The following KCNQ5 variants were observed in gnomAD, a reference collection of about 807,000 sequenced individuals.
The protein encoded by KCNQ5 is potassium voltage-gated channel subfamily Q member 5.
Under a neutral mutation model 98.2 loss-of-function variants are expected in KCNQ5, and 30 were observed. That is an observed-to-expected ratio of 0.31 (90% confidence interval 0.23 to 0.41). The LOEUF is 0.41. KCNQ5 is among the 10% of genes least tolerant of loss of function. The pLI, the probability that KCNQ5 is intolerant of heterozygous loss-of-function variation, is 1.00. For synonymous variants in KCNQ5, 458 were observed against 449.4 expected (o/e 1.02, Z -0.24); for missense variants, 835 against 1,182.5 (o/e 0.71, Z 4.31).
chr6:73,012,565 A>C (rs1770118520), intron 2 of KCNQ5, among the ~76,000 whole-genome samples: 1 of 152,116 alleles, frequency 6.6e-6, no homozygotes, highest in African/African-American at 2.4e-5. Context: ...GTTCTGTAAC[A>C]TTACGAATGT....
At position 73,194,663 on chromosome 6, in the gene KCNQ5, A is replaced by G. The variant is rs760224672; in HGVS notation, c.2048A>G (p.Asn683Ser). The G allele has an allele frequency of 1.9e-5, 30 of 1,614,250 alleles. No individual in the cohort carries two copies. The South Asian group carries it at 2.7e-4, about 15-fold the overall frequency. Residue 683 changes from asparagine (N) to serine (S), a missense_variant, in exon 14 of 14, where the codon AAC (asparagine) becomes AGC (serine). By Grantham distance (46) the Asn-to-Ser change is conservative. Around this residue, in one of 10 missense-constraint regions of KCNQ5, gnomAD observed 416 missense variants for 446.9 expected, o/e 0.93. Transcript: ENST00000370398. ...TGCTTATCCAGATCAACTAGTGCCAACATCTCGAGAGGCCTGCAGTTCATT... is the reference window on the plus strand; with the variant it reads ...TGCTTATCCAGATCAACTAGTGCCAGCATCTCGAGAGGCCTGCAGTTCATT... ...SGCLSRSTSA[N>S]ISRGLQFILT...
At chr6:73,047,443 C>T (rs567821214) in intron 3 of KCNQ5, among the ~76,000 whole-genome samples, 15 of 152,292 alleles carry the variant, frequency 9.8e-5, no homozygotes, top group South Asian at 2.1e-4. Context: ...TAACATTACT[C>T]GCAGGACTAC....
chr6:73,058,616 T>C (rs1318982010), intron 3 of KCNQ5, among the ~76,000 whole-genome samples: 1 of 151,866 alleles, frequency 6.6e-6, no homozygotes, highest in African/African-American at 2.4e-5. Flanking sequence ...ATCAACAGAG[T>C]GAACAGACAA....
At chr6:72,979,162 G>C (rs1421024459) in intron 1 of KCNQ5, among the ~76,000 whole-genome samples, 1 of 152,190 alleles carries the variant, frequency 6.6e-6, no homozygotes, top group Non-Finnish European at 1.5e-5. Context: ...CTTTATAGTA[G>C]CATGATTATA....
At chr6:73,045,050 C>T (rs1331206346) in intron 3 of KCNQ5, among the ~76,000 whole-genome samples, 3 of 152,102 alleles carry the variant, frequency 2.0e-5, no homozygotes, top group Admixed American at 1.3e-4. Context: ...CTAACAAGCC[C>T]CATGTACTAT....
intron 1 of KCNQ5, among the ~76,000 whole-genome samples, chr6:72,985,186 A>C (rs2150303582): frequency 6.6e-6 from 1 of 152,372 alleles, no homozygotes; most frequent in African/African-American, 2.4e-5. Context: ...AGTGTGGGCG[A>C]CAGCGCAATA....
chr6:72,827,189 G>T (rs762227029), intron 1 of KCNQ5, among the ~76,000 whole-genome samples: 1 of 152,132 alleles, frequency 6.6e-6, no homozygotes, highest in South Asian at 2.1e-4. Flanking sequence ...TAAACATGGG[G>T]GTGCAGAAGT....
At chr6:73,122,365 A>G (rs180684637) in intron 8 of KCNQ5, among the ~76,000 whole-genome samples, 1 of 152,320 alleles carries the variant, frequency 6.6e-6, no homozygotes, top group Non-Finnish European at 1.5e-5. Context: ...ACTGTTTAAT[A>G]ATGAGTCAAA....
intron 1 of KCNQ5, among the ~76,000 whole-genome samples, chr6:72,703,211 C>T (rs952553951): frequency 3.3e-5 from 5 of 152,260 alleles, no homozygotes; most frequent in Admixed American, 6.5e-5. Context: ...ACTCCAGCAA[C>T]TCTGAACTTC....
At chr6:73,086,623 T>C (rs1773998201) in intron 5 of KCNQ5, among the ~76,000 whole-genome samples, 1 of 152,220 alleles carries the variant, frequency 6.6e-6, no homozygotes, top group Non-Finnish European at 1.5e-5. Flanking sequence ...TACTAAATAT[T>C]TAGTGAGTTT....
chr6:73,117,211 C>A (rs1775539860), intron 7 of KCNQ5, among the ~76,000 whole-genome samples: 1 of 152,200 alleles, frequency 6.6e-6, no homozygotes, highest in African/African-American at 2.4e-5. Context: ...GCTACTGGAT[C>A]ACAGGGATGT....
At chr6:73,035,922 G>T (rs1232660465) in intron 2 of KCNQ5, among the ~76,000 whole-genome samples, 1 of 150,908 alleles carries the variant, frequency 6.6e-6, no homozygotes, top group Non-Finnish European at 1.5e-5. Flanking sequence ...TCACAACCAG[G>T]ATAATAATAT....
chr6:73,019,341 C>A (rs1486252188), intron 2 of KCNQ5, among the ~76,000 whole-genome samples: 1 of 152,086 alleles, frequency 6.6e-6, no homozygotes, highest in Admixed American at 6.6e-5. Context: ...AGTGTGAAAT[C>A]TTGCCCCAAA....
At chr6:72,804,670 G>T (rs1373469737) in intron 1 of KCNQ5, among the ~76,000 whole-genome samples, 1 of 151,908 alleles carries the variant, frequency 6.6e-6, no homozygotes. Context: ...CTTTCTTTTG[G>T]GTCCATACCA....
At chr6:73,186,050 C>A (rs11961021) in intron 11 of KCNQ5, among the ~76,000 whole-genome samples, 2,879 of 151,478 alleles carry the variant, frequency 0.019, 229 homozygotes, top group Admixed American at 0.13. Context: ...CATAGGGAGA[C>A]CCCCCCTATC....
At chr6:72,982,192 T>C (rs999074587) in intron 1 of KCNQ5, among the ~76,000 whole-genome samples, 10 of 152,214 alleles carry the variant, frequency 6.6e-5, no homozygotes, top group East Asian at 3.9e-4. Context: ...AGAGCTGAGT[T>C]CAAGTCTTGT....
chr6:72,815,407 T>G (rs1390636857), intron 1 of KCNQ5, among the ~76,000 whole-genome samples: 1 of 152,196 alleles, frequency 6.6e-6, no homozygotes, highest in Non-Finnish European at 1.5e-5. Flanking sequence ...AGCACTTGAC[T>G]GGGTCTTCCA....
chr6:73,155,767 A>C (rs775404331), intron 10 of KCNQ5, among the ~76,000 whole-genome samples: 2 of 152,232 alleles, frequency 1.3e-5, no homozygotes, highest in Non-Finnish European at 2.9e-5. Context: ...GATTTAATTT[A>C]AAATTCAAAT....
chr6:72,881,052 T>C (rs1778619010), intron 1 of KCNQ5, among the ~76,000 whole-genome samples: 1 of 152,222 alleles, frequency 6.6e-6, no homozygotes, highest in Non-Finnish European at 1.5e-5. Flanking sequence ...ATTATGATGA[T>C]AGCCAACTTT....
Sources: gnomAD v4.1 joint callset for allele counts (sites outside exome capture counted in the v4.1 genomes callset) on GRCh38, gnomAD v4.1.1 for gene constraint, gnomAD v4.1.1 regional missense constraint, MANE v1.5 for transcripts, NCBI Gene and HGNC (gene_info 2026-07-23, HGNC 2026-07-21) for gene names.